The following ERC1 variants were observed in gnomAD, a reference collection of about 807,000 sequenced individuals.
ERC1 encodes the protein RAB6 interacting protein 2.
Under a neutral mutation model 132.0 loss-of-function variants are expected in ERC1, and 56 were observed. That is an observed-to-expected ratio of 0.42 (90% CI 0.34 to 0.53). The LOEUF (loss-of-function observed/expected upper bound fraction) is 0.53. ERC1 is among the 20% of genes least tolerant of loss of function. ERC1 has a pLI of 0.03. For synonymous variants in ERC1, 478 were observed against 476.1 expected, an observed-to-expected ratio of 1.00 and a Z score of -0.05; for missense variants, 1,202 against 1,349.9, an observed-to-expected ratio of 0.89 and a Z score of 1.72.
chr12:1,268,675 A>G (rs1219262825), intron 14 of ERC1, among the ~76,000 whole-genome samples: 1 of 152,216 alleles, frequency 6.6e-6, no homozygotes, highest in African/African-American at 2.4e-5. Context: ...CTGAGGCAGG[A>G]GAATGGCGTG....
chr12:1,167,141 G>A (rs1329766090), intron 8 of ERC1, among the ~76,000 whole-genome samples: 1 of 152,174 alleles, frequency 6.6e-6, no homozygotes, highest in East Asian at 1.9e-4. Context: ...CAATAAGGAA[G>A]GGTCAGATCC....
At chr12:1,440,159 A>G (rs1484351996) in intron 17 of ERC1, among the ~76,000 whole-genome samples, 2 of 151,764 alleles carry the variant, frequency 1.3e-5, no homozygotes, top group Non-Finnish European at 2.9e-5. Context: ...CCGGATAAAC[A>G]ATTTAGAATT....
At chr12:1,366,979 A>G (rs1442481570) in intron 15 of ERC1, among the ~76,000 whole-genome samples, 1 of 152,202 alleles carries the variant, frequency 6.6e-6, no homozygotes, top group Non-Finnish European at 1.5e-5. Context: ...AGGTCCACCC[A>G]CAGAGGCTCT....
chr12:1,243,888 G>A (rs1318477706), intron 13 of ERC1, among the ~76,000 whole-genome samples: 1 of 152,168 alleles, frequency 6.6e-6, no homozygotes, highest in African/African-American at 2.4e-5. Flanking sequence ...AAGTTTTCAT[G>A]AATAGCTTTG....
At position 1,405,013 on chromosome 12, in the gene ERC1, G is replaced by A. The variant is rs148767340; in HGVS notation, c.2926-3136G>A. On this transcript the variant is annotated intron_variant, in intron 16 of 18. Coordinates refer to ENST00000360905, the MANE Select transcript of ERC1 (RefSeq NM_178040.4). ...AAAAATAGCCAGCGTGGTGGTGTGT[G>A]CCTCTAATCCGAGCTACTTGGGAGT... is the stretch of plus-strand genomic sequence containing the variant. 1.1e-4 allele frequency among the ~76,000 whole-genome samples: 16 copies of A among 152,028 alleles called. No homozygotes were observed. The East Asian group carries it at 2.3e-3, about 22-fold the overall frequency.
chr12:1,333,262 G>T (rs994711177), intron 15 of ERC1, among the ~76,000 whole-genome samples: 2 of 151,660 alleles, frequency 1.3e-5, no homozygotes, highest in Non-Finnish European at 1.5e-5. Flanking sequence ...CCATCCATGT[G>T]CCTGCAAAGG....
chr12:1,000,300 C>T (rs183444985), intron 1 of ERC1, among the ~76,000 whole-genome samples: 10 of 152,086 alleles, frequency 6.6e-5, no homozygotes, highest in Admixed American at 4.6e-4. Flanking sequence ...GCCTGAGCAA[C>T]GTGGCGAAAC....
At chr12:1,029,415 T>C (rs1475377715) in intron 2 of ERC1, among the ~76,000 whole-genome samples, 1 of 152,226 alleles carries the variant, frequency 6.6e-6, no homozygotes, top group Non-Finnish European at 1.5e-5. Flanking sequence ...GTTCTTTTTG[T>C]TGCCATTCAT....
chr12:1,201,865 C>T (rs1594183280), intron 12 of ERC1, among the ~76,000 whole-genome samples: 1 of 152,038 alleles, frequency 6.6e-6, no homozygotes, highest in East Asian at 1.9e-4. Context: ...ATCTTCAATC[C>T]ATGAAGTATA....
Position 1,494,260 on chromosome 12 carries a change from T to G in ERC1, c.*4030T>G, listed in dbSNP as rs192070000. On this transcript the variant is annotated 3_prime_UTR_variant, in exon 19 of 19. Coordinates refer to ENST00000360905, the MANE Select transcript of ERC1 (RefSeq NM_178040.4). The stretch of plus-strand genomic sequence containing the variant: ...AGAGACTGCAATGCAGCAGGCACCC[T>G]CTGCAGAGTGAGGCCGCCCGTCCAT... 46 of 232,262 alleles carry G rather than the reference T, an allele frequency of 2.0e-4. No individual in the cohort carries two copies. Among genetic ancestry groups the G allele is most frequent in the African/African-American group, 9.3e-4 (42 of 45,388 alleles). The allele number at this position is 232,262 out of a possible 1,614,324, so 14.4% of individuals were successfully genotyped here.
chr12:1,367,292 T>C (rs927615656), intron 15 of ERC1, among the ~76,000 whole-genome samples: 16 of 152,232 alleles, frequency 1.1e-4, no homozygotes, highest in African/African-American at 3.6e-4. Context: ...CATTAAAATG[T>C]CCAAAGCTAC....
chr12:1,169,659 T>G (rs1312396713), intron 8 of ERC1, among the ~76,000 whole-genome samples: 2 of 152,188 alleles, frequency 1.3e-5, no homozygotes, highest in African/African-American at 4.8e-5. Flanking sequence ...CCCATAAAAG[T>G]AGACCTGGCG....
chr12:1,238,378 T>A (rs574976031), intron 13 of ERC1, among the ~76,000 whole-genome samples: 42 of 152,304 alleles, frequency 2.8e-4, no homozygotes, highest in African/African-American at 1.0e-3. Flanking sequence ...TATTTACACA[T>A]AAATACTTTT....
chr12:1,228,641 C>A (rs760255386), intron 12 of ERC1, among the ~76,000 whole-genome samples: 1 of 152,062 alleles, frequency 6.6e-6, no homozygotes, highest in East Asian at 1.9e-4. Flanking sequence ...CAACTTTTCA[C>A]CGTTAGATTT....
intron 8 of ERC1, among the ~76,000 whole-genome samples, chr12:1,164,347 G>C (rs1187218901): frequency 7.2e-6 from 1 of 139,804 alleles, no homozygotes; most frequent in South Asian, 2.2e-4. Flanking sequence ...GTTATTTTAT[G>C]TTATTTTATT....
At chr12:1,266,648 G>A (rs888945066) in intron 14 of ERC1, among the ~76,000 whole-genome samples, 2 of 151,712 alleles carry the variant, frequency 1.3e-5, no homozygotes, top group Non-Finnish European at 1.5e-5. Flanking sequence ...CAAGTGATCC[G>A]CCCGCCTCGG....
intron 12 of ERC1, among the ~76,000 whole-genome samples, chr12:1,203,639 T>G (rs1159965779): frequency 6.6e-6 from 1 of 152,238 alleles, no homozygotes; most frequent in Non-Finnish European, 1.5e-5. Context: ...ATTTAGACCA[T>G]GAAGCTAATC....
At chr12:1,104,194 A>G (rs1944991077) in intron 3 of ERC1, among the ~76,000 whole-genome samples, 1 of 151,994 alleles carries the variant, frequency 6.6e-6, no homozygotes. Context: ...AAACTTGTTC[A>G]ACAGTGTCAT....
chr12:996,265 T>TA (rs1301961518), intron 1 of ERC1, among the ~76,000 whole-genome samples: 1 of 142,760 alleles, frequency 7.0e-6, no homozygotes, highest in African/African-American at 2.6e-5. Context: ...TTTTTTTTTT[T>TA]TTTTTTTTTT....
Sources: allele counts gnomAD v4.1 joint callset (sites outside exome capture counted in the v4.1 genomes callset), GRCh38; gene constraint gnomAD v4.1.1; transcripts MANE v1.5; gene names NCBI Gene and HGNC (gene_info 2026-07-23, HGNC 2026-07-21).